The following LHCGR variants were observed in gnomAD, a reference collection of about 807,000 sequenced individuals.
The protein encoded by LHCGR is lutropin-choriogonadotropic hormone receptor.
Under a neutral mutation model 60.7 loss-of-function variants are expected in LHCGR, and 55 were observed. The observed-to-expected ratio is 0.91, with a 90% CI of 0.73 to 1.13. The LOEUF (loss-of-function observed/expected upper bound fraction) is 1.13, where lower values mean the gene tolerates loss of function less well. Ranked by LOEUF, LHCGR falls within the 50% of genes most tolerant of loss-of-function variation. The probability of loss-of-function intolerance (pLI) is 0.00; values close to 1 mark genes in which losing one functional copy is unlikely to be tolerated. For missense variants in LHCGR, 862 were observed against 836.0 expected, an observed-to-expected ratio of 1.03 and a Z score of -0.38; for synonymous variants, 337 against 316.5, an observed-to-expected ratio of 1.06 and a Z score of -0.69.
At chr2:48,722,424 A>T (rs963889808) in intron 6 of LHCGR, among the ~76,000 whole-genome samples, 3 of 152,200 alleles carry the variant, frequency 2.0e-5, no homozygotes, top group Non-Finnish European at 2.9e-5. Flanking sequence ...TTTCCACAAA[A>T]TTGCATTACA....
chr2:48,722,698 C>G (rs937473411), intron 6 of LHCGR, among the ~76,000 whole-genome samples: 4 of 152,156 alleles, frequency 2.6e-5, no homozygotes, highest in South Asian at 4.1e-4. Context: ...GAGCAGATGC[C>G]AGAATCATGC....
chr2:48,736,590 C>A (rs1170947854), intron 1 of LHCGR, among the ~76,000 whole-genome samples: 1 of 152,168 alleles, frequency 6.6e-6, no homozygotes, highest in Non-Finnish European at 1.5e-5. Context: ...TTTAATGACA[C>A]AGATGGCCTT....
chr2:48,713,533 A>G (rs1017290692), intron 7 of LHCGR, among the ~76,000 whole-genome samples: 1 of 152,192 alleles, frequency 6.6e-6, no homozygotes, highest in Admixed American at 6.5e-5. Flanking sequence ...GTGGAAAATG[A>G]GCTTCCTCCC....
intron 8 of LHCGR, among the ~76,000 whole-genome samples, chr2:48,706,667 C>A (rs569704390): frequency 6.6e-6 from 1 of 152,178 alleles, no homozygotes; most frequent in African/African-American, 2.4e-5. Flanking sequence ...TCATTTCTTC[C>A]ACTTGATCTA....
At position 48,687,711 on chromosome 2, in the gene LHCGR, A is replaced by G. The variant is rs760545060; in HGVS notation, c.2086T>C (p.Tyr696His). ...QGTALLDKTRYTEC is the reference protein window; with the variant it reads ...QGTALLDKTRHTEC ...TGATGTAACAGTTAACACTCTGTGT[A>G]GCGAGTCTTGTCTAGGAGAGCTGTA... The change falls in exon 11 of 11, where the codon TAC becomes CAC. Residue 696 changes from tyrosine to histidine, a missense_variant. Physicochemically the swap from Tyr to His is moderately conservative, Grantham distance 83. Transcript: ENST00000294954. 1.9e-6 allele frequency: 3 copies of G among 1,613,614 alleles called. No individual in the cohort carries two copies. Among genetic ancestry groups the G allele is most frequent in the Non-Finnish European group, 2.5e-6 (3 of 1,179,532 alleles).
intron 1 of LHCGR, among the ~76,000 whole-genome samples, chr2:48,736,565 C>G (rs1404934127): frequency 2.0e-5 from 3 of 152,160 alleles, no homozygotes; most frequent in Non-Finnish European, 2.9e-5. Context: ...GGCCCCTCTT[C>G]TTTTTTCTTT....
chr2:48,718,015 G>C (rs1558854293), intron 6 of LHCGR, among the ~76,000 whole-genome samples: 1 of 151,846 alleles, frequency 6.6e-6, no homozygotes, highest in Non-Finnish European at 1.5e-5. Flanking sequence ...TTACAAATGT[G>C]AGTGGGAGAC....
chr2:48,749,720 TA>T (rs35333492), intron 1 of LHCGR, among the ~76,000 whole-genome samples: 12,543 of 129,904 alleles, frequency 0.097, 737 homozygotes, highest in East Asian at 0.24. Context: ...CTTTTGAAAT[TA>T]AAAAAAAAAA....
intron 7 of LHCGR, among the ~76,000 whole-genome samples, chr2:48,711,413 A>C (rs376618429): frequency 6.6e-6 from 1 of 152,186 alleles, no homozygotes; most frequent in East Asian, 1.9e-4. Context: ...TTAGTATATC[A>C]GTGGTGCTTA....
At chr2:48,717,168 C>T (rs1013413893) in intron 6 of LHCGR, among the ~76,000 whole-genome samples, 4 of 152,146 alleles carry the variant, frequency 2.6e-5, no homozygotes, top group Non-Finnish European at 4.4e-5. Context: ...GAAAAGATAG[C>T]CCTTGCTTTG....
At chr2:48,755,100 A>G (rs1048833981) in intron 1 of LHCGR, among the ~76,000 whole-genome samples, 6 of 152,054 alleles carry the variant, frequency 3.9e-5, no homozygotes. Flanking sequence ...AGGGTGCCAG[A>G]GCTCACATTC....
chr2:48,711,026 A>C (rs1433433816), intron 7 of LHCGR, among the ~76,000 whole-genome samples: 2 of 152,080 alleles, frequency 1.3e-5, no homozygotes, highest in African/African-American at 4.8e-5. Flanking sequence ...CCCTCCAGCC[A>C]CACTGGCCTC....
chr2:48,743,905 T>C (rs1224106515), intron 1 of LHCGR, among the ~76,000 whole-genome samples: 1 of 151,488 alleles, frequency 6.6e-6, no homozygotes, highest in Admixed American at 6.6e-5. Flanking sequence ...AGTCAAATTG[T>C]CCCTGTTTGC....
intron 8 of LHCGR, 183 bp downstream of exon 8, chr2:48,708,765 G>A: frequency 1.5e-6 from 1 of 659,478 alleles, no homozygotes; most frequent in Non-Finnish European, 2.8e-6. Flanking sequence ...TGTTGTCTAA[G>A]CCTCTCGGTT....
At chr2:48,723,799 C>T in intron 4 of LHCGR, 103 bp from the exon 5 acceptor site, 1 of 827,444 alleles carries the variant, frequency 1.2e-6, no homozygotes, top group Non-Finnish European at 2.1e-6. Context: ...TTTGCAAATA[C>T]AACTTTCACA....
intron 1 of LHCGR, among the ~76,000 whole-genome samples, chr2:48,736,151 C>T (rs1669197119): frequency 6.6e-6 from 1 of 152,158 alleles, no homozygotes; most frequent in Non-Finnish European, 1.5e-5. Flanking sequence ...TTGTAAATTA[C>T]CCAGTCTTGG....
At chr2:48,691,303 C>T (rs1666800568) in intron 10 of LHCGR, among the ~76,000 whole-genome samples, 1 of 152,128 alleles carries the variant, frequency 6.6e-6, no homozygotes, top group South Asian at 2.1e-4. Context: ...GGAAAGAACA[C>T]AGATTTTTAA....
At chr2:48,747,053 A>G (rs1292112892) in intron 1 of LHCGR, among the ~76,000 whole-genome samples, 2 of 151,826 alleles carry the variant, frequency 1.3e-5, no homozygotes, top group East Asian at 1.9e-4. Flanking sequence ...TGCAACTGAT[A>G]TACTACATAC....
At chr2:48,735,310 T>G (rs1057444991) in intron 1 of LHCGR, among the ~76,000 whole-genome samples, 6 of 152,250 alleles carry the variant, frequency 3.9e-5, no homozygotes, top group African/African-American at 1.4e-4. Context: ...TGGCGAGGCT[T>G]GTGCATCGTC....
Sources: gnomAD v4.1 joint callset for allele counts (sites outside exome capture counted in the v4.1 genomes callset) on GRCh38, gnomAD v4.1.1 for gene constraint, MANE v1.5 for transcripts, NCBI Gene and HGNC (gene_info 2026-07-23, HGNC 2026-07-21) for gene names.